The following AP3B1 variants were observed in gnomAD, a reference collection of about 807,000 sequenced individuals.
AP3B1 encodes adaptor related protein complex 3 subunit beta 1.
Under a neutral mutation model 132.5 loss-of-function variants are expected in AP3B1, and 61 were observed. The observed-to-expected ratio is 0.46, with a 90% CI of 0.37 to 0.57. The LOEUF (loss-of-function observed/expected upper bound fraction) is 0.57. AP3B1 is among the 20% of genes least tolerant of loss of function. The pLI is 0.00. For missense variants in AP3B1, 1,120 were observed against 1,289.4 expected (o/e 0.87, Z 2.01); for synonymous variants, 388 against 438.3 (o/e 0.89, Z 1.43).
intron 1 of AP3B1, among the ~76,000 whole-genome samples, chr5:78,292,435 A>G (rs1749564546): frequency 6.6e-6 from 1 of 152,216 alleles, no homozygotes. Context: ...TAATAAAAAT[A>G]CCATACATTT....
chr5:78,243,158 G>A (rs1169884715), intron 2 of AP3B1, among the ~76,000 whole-genome samples: 1 of 152,106 alleles, frequency 6.6e-6, no homozygotes, highest in Non-Finnish European at 1.5e-5. Context: ...GAGCACTATG[G>A]AGGGTTTACA....
chr5:78,279,045 GA>G lies in AP3B1; in HGVS notation c.129-11451del, dbSNP rs141901531. The stretch of plus-strand genomic sequence containing the variant: ...TAAAATGGTATCATATGTTGATATG[GA>G]AAGACATATCAACATATGGAAAGAT... On this transcript the variant is annotated intron_variant, in intron 1 of 26. Coordinates refer to ENST00000255194, the MANE Select transcript of AP3B1 (RefSeq NM_003664.5). 9.6e-3 allele frequency among the ~76,000 whole-genome samples: 1,455 copies of G among 152,222 alleles called. 13 individuals are homozygous for G. The highest frequency in any genetic ancestry group is 0.02 in the Middle Eastern group (6 of 294).
chr5:78,246,967 CT>C lies in AP3B1; in HGVS notation c.205-6032del, dbSNP rs1270590773. Among the ~76,000 whole-genome samples the C allele has an allele frequency of 2.0e-5, 3 of 151,938 alleles. No homozygotes were observed. The South Asian group carries it at 6.2e-4, about 31-fold the overall frequency. On this transcript the variant is annotated intron_variant, in intron 2 of 26. Transcript: ENST00000255194. Reference sequence around the variant, plus strand: ...ATAAGCTTTTATTACTATAAATTTCCTTGTAAGTACTGTTTTACCTAAATCC... The same window carrying C: ...ATAAGCTTTTATTACTATAAATTTCCTGTAAGTACTGTTTTACCTAAATCC...
intron 14 of AP3B1, among the ~76,000 whole-genome samples, chr5:78,142,352 G>T (rs1389554165): frequency 6.6e-6 from 1 of 152,156 alleles, no homozygotes. Flanking sequence ...ATTCATTTCA[G>T]TGAACATTTT....
intron 10 of AP3B1, 23 bp from the exon 11 acceptor site, chr5:78,175,720 A>G: frequency 6.2e-7 from 1 of 1,610,036 alleles, no homozygotes; most frequent in Non-Finnish European, 8.5e-7. Flanking sequence ...AATAAATACA[A>G]AAATACATTA....
intron 22 of AP3B1, among the ~76,000 whole-genome samples, chr5:78,067,516 C>T (rs1435297262): frequency 2.0e-5 from 3 of 152,176 alleles, no homozygotes; most frequent in African/African-American, 7.2e-5. Context: ...ATCACATCAT[C>T]GGAAGTAAAA....
intron 7 of AP3B1, among the ~76,000 whole-genome samples, chr5:78,201,928 A>G (rs1368030676): frequency 1.3e-5 from 2 of 152,280 alleles, no homozygotes; most frequent in Non-Finnish European, 2.9e-5. Context: ...AAGCAGTCCT[A>G]TATAAGCTCT....
intron 7 of AP3B1, among the ~76,000 whole-genome samples, chr5:78,188,626 G>T (rs370595653): frequency 6.6e-6 from 1 of 152,192 alleles, no homozygotes; most frequent in African/African-American, 2.4e-5. Context: ...TACACTGTTG[G>T]TGGGTACATA....
intron 7 of AP3B1, among the ~76,000 whole-genome samples, chr5:78,186,792 TA>T (rs1744624437): frequency 6.6e-6 from 1 of 152,208 alleles, no homozygotes; most frequent in African/African-American, 2.4e-5. Context: ...TAATATCACT[TA>T]AGTATTTTTC....
At chr5:78,202,342 T>C (rs1179925104) in intron 7 of AP3B1, among the ~76,000 whole-genome samples, 3 of 152,128 alleles carry the variant, frequency 2.0e-5, no homozygotes, top group Admixed American at 6.6e-5. Flanking sequence ...TTCATTTATT[T>C]AGGAGGAGCT....
intron 26 of AP3B1, among the ~76,000 whole-genome samples, chr5:78,005,620 T>C (rs954484873): frequency 3.9e-5 from 6 of 152,232 alleles, no homozygotes; most frequent in African/African-American, 1.2e-4. Context: ...TAAAAGCTAC[T>C]GCCTTTATTA....
chr5:78,137,853 A>T (rs953946873), intron 15 of AP3B1, among the ~76,000 whole-genome samples: 1 of 152,212 alleles, frequency 6.6e-6, no homozygotes, highest in Non-Finnish European at 1.5e-5. Flanking sequence ...ACAATATGCT[A>T]AATCTTATAA....
chr5:78,204,986 C>A (rs912208078), intron 7 of AP3B1, among the ~76,000 whole-genome samples: 1 of 151,932 alleles, frequency 6.6e-6, no homozygotes, highest in African/African-American at 2.4e-5. Flanking sequence ...CTCTACTCTG[C>A]CATTTTTACT....
At chr5:78,031,945 G>A (rs1747596604) in intron 24 of AP3B1, among the ~76,000 whole-genome samples, 1 of 152,136 alleles carries the variant, frequency 6.6e-6, no homozygotes, top group African/African-American at 2.4e-5. Context: ...ACTGGTTAAT[G>A]CATGCATGCC....
In AP3B1 at chr5:78,282,493, T is replaced by C. The variant is rs182253723; in HGVS notation, c.128+11959A>G. Among the ~76,000 whole-genome samples the C allele has an allele frequency of 1.2e-4, 18 of 152,344 alleles. No homozygotes were observed. In the East Asian group the frequency reaches 3.3e-3, roughly 28 times the overall value. On this transcript the variant is annotated intron_variant, in intron 1 of 26. Coordinates refer to ENST00000255194, the MANE Select transcript of AP3B1 (RefSeq NM_003664.5). The stretch of plus-strand genomic sequence containing the variant: ...CAGGGCTTATTAATTTCATTTATTT[T>C]TATGTGGTGCACATTAAAGGTACTT...
chr5:78,081,915 C>A (rs977690710), intron 22 of AP3B1, among the ~76,000 whole-genome samples: 3 of 136,032 alleles, frequency 2.2e-5, no homozygotes, highest in South Asian at 2.1e-4. Flanking sequence ...AAAAAAAAAA[C>A]AGTTATAATC....
At chr5:78,116,759 T>C (rs947102479) in intron 17 of AP3B1, among the ~76,000 whole-genome samples, 1 of 152,180 alleles carries the variant, frequency 6.6e-6, no homozygotes, top group Non-Finnish European at 1.5e-5. Context: ...ATCCTGTAGC[T>C]ACCCTGGTCT....
At chr5:78,045,161 A>G (rs576570328) in intron 22 of AP3B1, among the ~76,000 whole-genome samples, 1 of 152,308 alleles carries the variant, frequency 6.6e-6, no homozygotes, top group Non-Finnish European at 1.5e-5. Flanking sequence ...TGGGTGGATC[A>G]CTTGAGGTCA....
At chr5:78,001,519 G>A (rs770989118), downstream of AP3B1, 7 of 152,256 alleles carry the variant, frequency 4.6e-5, no homozygotes, top group South Asian at 2.1e-4. Flanking sequence ...TTCTCTTCCC[G>A]GAGATTCAGG....
Sources: gnomAD v4.1 joint callset for allele counts (sites outside exome capture counted in the v4.1 genomes callset) on GRCh38, gnomAD v4.1.1 for gene constraint, MANE v1.5 for transcripts, NCBI Gene and HGNC (gene_info 2026-07-23, HGNC 2026-07-21) for gene names.